The following EPHB1 variants were observed in gnomAD, a reference collection of about 807,000 sequenced individuals.
The protein encoded by EPHB1 is EPH receptor B1, also known as ephrin type-B receptor 1.
In EPHB1, 30 loss-of-function variants were observed where a neutral mutation model predicts 94.4. The ratio of observed to expected loss-of-function variants is 0.32; its 90% CI spans 0.24 to 0.43. The LOEUF (loss-of-function observed/expected upper bound fraction) is 0.43, where lower values mean the gene tolerates loss of function less well. EPHB1 is among the 20% of genes least tolerant of loss of function. The pLI is 1.00. For synonymous variants in EPHB1, 522 were observed against 489.1 expected, an observed-to-expected ratio of 1.07 and a Z score of -0.89; for missense variants, 1,055 against 1,308.3, an observed-to-expected ratio of 0.81 and a Z score of 2.99.
rs1273655111 is a variant in EPHB1 at position 135,053,025 on chromosome 3, GTGTATATA to G, written c.806-53421_806-53414del. ...TGTGTGTATATATATGTGTGTGTGT[GTGTATATA>G]TATATATATATATATATATATAAAG... On this transcript the variant is annotated intron_variant, in intron 3 of 15. Coordinates refer to ENST00000398015, the MANE Select transcript of EPHB1 (RefSeq NM_004441.5). Among the ~76,000 whole-genome samples, 26 of 90,628 alleles carry G rather than the reference GTGTATATA, an allele frequency of 2.9e-4. 2 individuals are homozygous for G. The highest frequency in any genetic ancestry group is 9.8e-4 in the African/African-American group (19 of 19,394). 59.5% of individuals were successfully genotyped at this position (90,628 alleles called of 152,430 possible). A position where few individuals can be genotyped will look rare whatever the true frequency, so the allele number is the denominator to read the frequency against.
intron 1 of EPHB1, among the ~76,000 whole-genome samples, chr3:134,920,308 G>A (rs529322972): frequency 2.0e-4 from 30 of 152,292 alleles, no homozygotes; most frequent in African/African-American, 7.0e-4. Flanking sequence ...GGGCTGCCGT[G>A]TGTCCTTTGT....
At chr3:135,229,900 G>T (rs367968880) in intron 12 of EPHB1, among the ~76,000 whole-genome samples, 2 of 152,196 alleles carry the variant, frequency 1.3e-5, no homozygotes, top group Admixed American at 6.5e-5. Context: ...GGTGACCAAG[G>T]GTTGTTGGGG....
intron 1 of EPHB1, among the ~76,000 whole-genome samples, chr3:134,839,686 T>A (rs1478136006): frequency 2.0e-5 from 3 of 152,180 alleles, no homozygotes; most frequent in Non-Finnish European, 4.4e-5. Context: ...GGATAGGGTC[T>A]GGCATAAGAC....
chr3:135,163,726 G>A (rs916125619), intron 7 of EPHB1, among the ~76,000 whole-genome samples: 1 of 152,194 alleles, frequency 6.6e-6, no homozygotes, highest in Admixed American at 6.5e-5. Flanking sequence ...TCCCAAGAAG[G>A]CTGTTTCTTT....
chr3:134,868,210 A>G (rs2037421384), intron 1 of EPHB1, among the ~76,000 whole-genome samples: 1 of 152,236 alleles, frequency 6.6e-6, no homozygotes, highest in African/African-American at 2.4e-5. Flanking sequence ...CTGCTCTATC[A>G]AAGAGTTATA....
intron 1 of EPHB1, among the ~76,000 whole-genome samples, chr3:134,809,799 C>T (rs2036134009): frequency 6.6e-6 from 1 of 152,218 alleles, no homozygotes; most frequent in Admixed American, 6.5e-5. Flanking sequence ...CCCAGATAAT[C>T]CAGTGGTTCC....
At chr3:135,110,702 C>T (rs950992865) in intron 4 of EPHB1, among the ~76,000 whole-genome samples, 3 of 152,218 alleles carry the variant, frequency 2.0e-5, no homozygotes, top group Non-Finnish European at 2.9e-5. Context: ...TGGTGATTGG[C>T]TGTTATTCTC....
chr3:134,831,963 C>T (rs562292861), intron 1 of EPHB1, among the ~76,000 whole-genome samples: 1 of 152,270 alleles, frequency 6.6e-6, no homozygotes, highest in African/African-American at 2.4e-5. Flanking sequence ...CCAATTGTGC[C>T]AACGTCTTGT....
chr3:134,870,289 C>T (rs13068347), intron 1 of EPHB1, among the ~76,000 whole-genome samples: 48,117 of 151,928 alleles, frequency 0.32, 9,028 homozygotes, highest in African/African-American at 0.53. Context: ...GAAGACACCC[C>T]GGGCAGAGTT....
At chr3:134,821,672 G>A (rs527352201) in intron 1 of EPHB1, among the ~76,000 whole-genome samples, 1 of 152,154 alleles carries the variant, frequency 6.6e-6, no homozygotes, top group Non-Finnish European at 1.5e-5. Context: ...AACCATAGGC[G>A]ATGAAGGGCA....
At chr3:135,084,590 A>G (rs549754940) in intron 3 of EPHB1, among the ~76,000 whole-genome samples, 3 of 152,310 alleles carry the variant, frequency 2.0e-5, no homozygotes, top group East Asian at 1.9e-4. Flanking sequence ...CTAACCATTC[A>G]TTTCACAGAG....
intron 3 of EPHB1, among the ~76,000 whole-genome samples, chr3:134,998,995 A>G (rs1296980158): frequency 6.6e-6 from 1 of 152,192 alleles, no homozygotes; most frequent in Non-Finnish European, 1.5e-5. Flanking sequence ...CAGAGCCGGA[A>G]GCACAAGGCT....
At chr3:135,256,756 G>A (rs551729598) in intron 15 of EPHB1, among the ~76,000 whole-genome samples, 6 of 152,004 alleles carry the variant, frequency 3.9e-5, no homozygotes, top group Non-Finnish European at 5.9e-5. Context: ...GAATCTGAAC[G>A]TTGGCCTGCC....
At chr3:135,050,243 A>G (rs888006823) in intron 3 of EPHB1, among the ~76,000 whole-genome samples, 4 of 152,170 alleles carry the variant, frequency 2.6e-5, no homozygotes, top group African/African-American at 9.6e-5. Flanking sequence ...ATGACTTTAG[A>G]TCCTAACCTT....
At chr3:135,072,341 G>A (rs1431839475) in intron 3 of EPHB1, among the ~76,000 whole-genome samples, 8 of 152,110 alleles carry the variant, frequency 5.3e-5, no homozygotes, top group African/African-American at 1.2e-4. Flanking sequence ...CCAAGATCAC[G>A]CCACTGCACT....
intron 4 of EPHB1, among the ~76,000 whole-genome samples, chr3:135,131,039 C>T (rs1940395982): frequency 6.6e-6 from 1 of 152,132 alleles, no homozygotes; most frequent in Non-Finnish European, 1.5e-5. Context: ...TAAGAGCCTA[C>T]CTGGGACAGT....
rs1050782505 is a variant in EPHB1, at chr3:135,167,012, T to G, written c.1759+6T>G. 23 of 1,613,946 alleles carry G rather than the reference T, an allele frequency of 1.4e-5. No homozygotes were observed. The highest frequency in any genetic ancestry group is 1.9e-5 in the Non-Finnish European group (23 of 1,179,918). ...GCATTACAGCACAGGCCGAGGTAAGTAGAAAGCAGAGACCCGGTGTCTGAC... is the reference window on the plus strand; with the variant it reads ...GCATTACAGCACAGGCCGAGGTAAGGAGAAAGCAGAGACCCGGTGTCTGAC... On this transcript the variant is annotated splice_donor_region_variant and intron_variant, in intron 9 of 15. Coordinates refer to ENST00000398015, the MANE Select transcript of EPHB1 (RefSeq NM_004441.5).
chr3:135,047,550 T>C (rs967551909), intron 3 of EPHB1, among the ~76,000 whole-genome samples: 1 of 152,230 alleles, frequency 6.6e-6, no homozygotes, highest in Non-Finnish European at 1.5e-5. Flanking sequence ...ACCTATTAAC[T>C]GCTTCCCTGC....
At chr3:135,031,376 C>T (rs186313837) in intron 3 of EPHB1, among the ~76,000 whole-genome samples, 9 of 152,300 alleles carry the variant, frequency 5.9e-5, no homozygotes, top group Non-Finnish European at 1.3e-4. Flanking sequence ...GTGGCCTGGT[C>T]TCAGCTCACT....
Sources: gnomAD v4.1 joint callset for allele counts (sites outside exome capture counted in the v4.1 genomes callset) on GRCh38, gnomAD v4.1.1 for gene constraint, MANE v1.5 for transcripts, NCBI Gene and HGNC (gene_info 2026-07-23, HGNC 2026-07-21) for gene names.